Variants in CSGALNACT1 observed in about 807,000 individuals in gnomAD.
The protein encoded by CSGALNACT1 is beta4GalNAcT-1.
A neutral mutation model predicts 51.0 loss-of-function variants in CSGALNACT1; 52 were observed. The ratio of observed to expected loss-of-function variants is 1.02; its 90% CI spans 0.82 to 1.29. The LOEUF is 1.29. CSGALNACT1 is among the 50% of genes most tolerant of loss of function. The probability of loss-of-function intolerance (pLI) is 0.00; values close to 1 mark genes in which losing one functional copy is unlikely to be tolerated. For synonymous variants in CSGALNACT1, 341 were observed against 254.4 expected (o/e 1.34, Z -3.24); for missense variants, 935 against 679.2 (o/e 1.38, Z -4.19).
chr8:19,423,436 G>A (rs767254636), intron 6 of CSGALNACT1, among the ~76,000 whole-genome samples: 9 of 152,164 alleles, frequency 5.9e-5, no homozygotes, highest in Non-Finnish European at 1.0e-4. Flanking sequence ...GTAATTTGGT[G>A]GTGTGCATGC....
At chr8:19,602,932 C>T (rs1028084872), upstream of CSGALNACT1, among the ~76,000 whole-genome samples, 1 of 151,390 alleles carries the variant, frequency 6.6e-6, no homozygotes, top group Non-Finnish European at 1.5e-5. Flanking sequence ...CTTTATTATT[C>T]GAATAACAGC....
intron 2 of CSGALNACT1, among the ~76,000 whole-genome samples, chr8:19,595,115 C>T (rs2048624602): frequency 6.6e-6 from 1 of 151,948 alleles, no homozygotes; most frequent in South Asian, 2.1e-4. Flanking sequence ...TTTCTTGTAC[C>T]TAAGAATCCT....
chr8:19,577,753 T>A (rs1406653856), intron 3 of CSGALNACT1, among the ~76,000 whole-genome samples: 1 of 152,078 alleles, frequency 6.6e-6, no homozygotes, highest in African/African-American at 2.4e-5. Flanking sequence ...TCCAGCCGTC[T>A]GACTTGAGTA....
intron 1 of CSGALNACT1, among the ~76,000 whole-genome samples, chr8:19,675,260 G>C (rs1306419250): frequency 6.6e-6 from 1 of 152,178 alleles, no homozygotes; most frequent in Non-Finnish European, 1.5e-5. Flanking sequence ...AGGATGTAGA[G>C]AGGAGTCAAA....
chr8:19,723,392 T>C (rs2063230307), intron 1 of CSGALNACT1, among the ~76,000 whole-genome samples: 2 of 152,350 alleles, frequency 1.3e-5, no homozygotes, highest in South Asian at 4.1e-4. Context: ...ACTTACATCA[T>C]GTAAAATGTC....
At chr8:19,591,865 G>A (rs1160013656) in intron 2 of CSGALNACT1, among the ~76,000 whole-genome samples, 1 of 152,130 alleles carries the variant, frequency 6.6e-6, no homozygotes, top group Non-Finnish European at 1.5e-5. Context: ...ATATATTACA[G>A]TATTTGCTAT....
intron 1 of CSGALNACT1, among the ~76,000 whole-genome samples, chr8:19,639,876 G>A (rs1564325079): frequency 6.6e-6 from 1 of 151,796 alleles, no homozygotes; most frequent in Non-Finnish European, 1.5e-5. Flanking sequence ...GTTTTGTTTT[G>A]TTTTGTTTTT....
chr8:19,703,787 T>C (rs527348118), intron 1 of CSGALNACT1, among the ~76,000 whole-genome samples: 3 of 152,346 alleles, frequency 2.0e-5, no homozygotes, highest in Non-Finnish European at 4.4e-5. Context: ...CAACATATTC[T>C]ACACCAAGTA....
intron 1 of CSGALNACT1, among the ~76,000 whole-genome samples, chr8:19,681,754 C>G (rs1156849958): frequency 6.6e-6 from 1 of 152,162 alleles, no homozygotes; most frequent in Non-Finnish European, 1.5e-5. Flanking sequence ...CTGGGAATGC[C>G]AGGCTGGGCC....
At position 19,530,392 on chromosome 8, in the gene CSGALNACT1, T is replaced by C. The variant is rs150264855; in HGVS notation, c.-296-24262A>G. On this transcript the variant is annotated intron_variant, in intron 3 of 9. Transcript: ENST00000454498. ...GTGTATGTGTATATATGTAAGTGTA[T>C]ATATAATTTTATAATATCTATAACT... Among the ~76,000 whole-genome samples, 543 of 152,246 alleles carry C rather than the reference T, an allele frequency of 3.6e-3. 1 individual carries two copies. Among genetic ancestry groups the C allele is most frequent in the African/African-American group, 0.012 (503 of 41,544 alleles).
chr8:19,733,289 T>C (rs1546100), intron 1 of CSGALNACT1, among the ~76,000 whole-genome samples: 34,278 of 152,188 alleles, frequency 0.23, 4,255 homozygotes, highest in East Asian at 0.39. Flanking sequence ...TCTTGTCAAT[T>C]TGGAACTTGC....
At chr8:19,728,551 C>G (rs1457055164) in intron 1 of CSGALNACT1, among the ~76,000 whole-genome samples, 1 of 146,486 alleles carries the variant, frequency 6.8e-6, no homozygotes, top group Non-Finnish European at 1.5e-5. Context: ...ACTTATAATC[C>G]TATTTGCACA....
chr8:19,544,111 T>A (rs747377574), intron 3 of CSGALNACT1, among the ~76,000 whole-genome samples: 30 of 152,016 alleles, frequency 2.0e-4, no homozygotes, highest in Non-Finnish European at 4.0e-4. Context: ...TTTGCTGCTG[T>A]TTAGTTTATG....
At chr8:19,619,943 A>T (rs921252187) in intron 1 of CSGALNACT1, among the ~76,000 whole-genome samples, 9 of 152,184 alleles carry the variant, frequency 5.9e-5, no homozygotes, top group Admixed American at 5.9e-4. Flanking sequence ...TTATCCTTCT[A>T]AATTCTAGTT....
chr8:19,553,620 C>CATACATATATATATATATATATATAT, intron 3 of CSGALNACT1, among the ~76,000 whole-genome samples: 1 of 71,564 alleles, frequency 1.4e-5, no homozygotes, highest in Middle Eastern at 7.9e-3. Context: ...TATATAAATA[C>CATACATATATATATATATATATATAT]ATATATATAT....
chr8:19,706,320 C>A (rs1219581581), intron 1 of CSGALNACT1, among the ~76,000 whole-genome samples: 1 of 152,192 alleles, frequency 6.6e-6, no homozygotes, highest in Non-Finnish European at 1.5e-5. Context: ...CAATCTGTAT[C>A]TGTATTGTCA....
intron 5 of CSGALNACT1, among the ~76,000 whole-genome samples, chr8:19,442,019 T>C (rs1057231586): frequency 6.6e-5 from 10 of 152,310 alleles, no homozygotes; most frequent in African/African-American, 2.4e-4. Context: ...CACAATGAGA[T>C]ACCATCTCAC....
chr8:19,653,801 A>G (rs1589285680), intron 1 of CSGALNACT1, among the ~76,000 whole-genome samples: 3 of 151,864 alleles, frequency 2.0e-5, no homozygotes, highest in Admixed American at 6.6e-5. Context: ...TTGTCTTAAA[A>G]AAAAAAAAAA....
intron 1 of CSGALNACT1, among the ~76,000 whole-genome samples, chr8:19,722,100 C>T (rs776688674): frequency 6.6e-6 from 1 of 152,090 alleles, no homozygotes; most frequent in African/African-American, 2.4e-5. Context: ...CTTTTGCTTA[C>T]ATTTCAAATT....
Sources: allele counts gnomAD v4.1 joint callset (sites outside exome capture counted in the v4.1 genomes callset), GRCh38; gene constraint gnomAD v4.1.1; transcripts MANE v1.5; gene names NCBI Gene and HGNC (gene_info 2026-07-23, HGNC 2026-07-21).